PHYHIPL: variants seen among roughly 807,000 people sequenced by gnomAD.
PHYHIPL encodes phytanoyl-CoA 2-hydroxylase interacting protein like.
In PHYHIPL, 9 loss-of-function variants were observed where a neutral mutation model predicts 33.4. The ratio of observed to expected loss-of-function variants is 0.27; its 90% CI spans 0.16 to 0.47. PHYHIPL has a LOEUF of 0.47. PHYHIPL is among the 20% of genes least tolerant of loss of function. The pLI is 0.99. For synonymous variants in PHYHIPL, 153 were observed against 154.1 expected (o/e 0.99, Z 0.05); for missense variants, 365 against 460.7 (o/e 0.79, Z 1.90).
At chr10:59,209,428 G>A (rs1270251291) in intron 1 of PHYHIPL, among the ~76,000 whole-genome samples, 2 of 152,186 alleles carry the variant, frequency 1.3e-5, no homozygotes, top group African/African-American at 4.8e-5. Flanking sequence ...TCTGAAGGAA[G>A]CACTAAACAT....
intron 1 of PHYHIPL, among the ~76,000 whole-genome samples, chr10:59,205,437 T>C (rs1839258247): frequency 6.6e-6 from 1 of 152,222 alleles, no homozygotes; most frequent in African/African-American, 2.4e-5. Flanking sequence ...TTCCTAATTG[T>C]TCACATTATT....
At chr10:59,177,220 C>G (rs905995505) in intron 1 of PHYHIPL, 1 of 581,800 alleles carries the variant, frequency 1.7e-6, no homozygotes, top group Non-Finnish European at 2.9e-6. Flanking sequence ...CCGCCTGGCC[C>G]GGACGAGGGC....
chr10:59,244,195 G>T (rs1176451743), intron 4 of PHYHIPL, among the ~76,000 whole-genome samples: 5 of 152,132 alleles, frequency 3.3e-5, no homozygotes, highest in African/African-American at 1.2e-4. Context: ...ATTTGGGGGT[G>T]AGGTAAAGTG....
At chr10:59,226,646 C>T (rs1034561065) in intron 1 of PHYHIPL, among the ~76,000 whole-genome samples, 5 of 152,052 alleles carry the variant, frequency 3.3e-5, no homozygotes, top group African/African-American at 1.2e-4. Flanking sequence ...GAATGCAGTT[C>T]ATTTTTTAAT....
chr10:59,206,746 T>C, intron 1 of PHYHIPL: 1 of 1,215,632 alleles, frequency 8.2e-7, no homozygotes, highest in Non-Finnish European at 1.1e-6. Flanking sequence ...TTCTTTTTTA[T>C]TTTTTAGTTG....
intron 2 of PHYHIPL, among the ~76,000 whole-genome samples, chr10:59,234,712 C>A (rs1187101649): frequency 6.6e-6 from 1 of 151,264 alleles, no homozygotes; most frequent in South Asian, 2.1e-4. Flanking sequence ...AGATAATTTT[C>A]AAAAAAAGGT....
Position 59,245,694 on chromosome 10 carries a change from C to A in PHYHIPL, c.*103C>A. 1.6e-6 allele frequency: 2 copies of A among 1,267,532 alleles called. No homozygotes were observed. The highest frequency in any genetic ancestry group is 2.2e-6 in the Non-Finnish European group (2 of 925,714). The allele number at this position is 1,267,532 out of a possible 1,614,324, so 78.5% of individuals were successfully genotyped here. On this transcript the variant is annotated 3_prime_UTR_variant, in exon 5 of 5. Coordinates refer to ENST00000373880, the MANE Select transcript of PHYHIPL (RefSeq NM_032439.4). ...CAGATGTTTTCCACTGAAGCATGCA[C>A]ATGCCACTGTCACCAAAACAAACAA...
At chr10:59,244,571 A>AAAAAAAAAAAAT (rs1840570259) in intron 4 of PHYHIPL, among the ~76,000 whole-genome samples, 1 of 144,958 alleles carries the variant, frequency 6.9e-6, no homozygotes, top group African/African-American at 2.7e-5. Context: ...TCAAAAAAAA[A>AAAAAAAAAAAAT]AAAAAAAAAA....
At chr10:59,176,415 G>A (rs895216701), upstream of PHYHIPL, among the ~76,000 whole-genome samples, 1 of 151,984 alleles carries the variant, frequency 6.6e-6, no homozygotes, top group Non-Finnish European at 1.5e-5. Flanking sequence ...GCGCTCGGTC[G>A]CCCGACGCCT....
At chr10:59,204,067 T>A (rs916263586) in intron 1 of PHYHIPL, among the ~76,000 whole-genome samples, 9 of 152,196 alleles carry the variant, frequency 5.9e-5, no homozygotes, top group Admixed American at 5.2e-4. Flanking sequence ...CCATGGGAAG[T>A]CTTTATGTAG....
At position 59,176,873 on chromosome 10, in the gene PHYHIPL, ATCATGCCC is replaced by A. The variant is rs1303967462; in HGVS notation, c.24_31del (p.His8GlnfsTer8). 1 of 1,613,276 alleles carries A rather than the reference ATCATGCCC, an allele frequency of 6.2e-7. No individual in the cohort carries two copies. The highest frequency in any genetic ancestry group is 1.7e-5 in the Admixed American group (1 of 59,932). The stretch of plus-strand genomic sequence containing the variant: ...GGAAAAATGGAGGTGCCGCGCCTGG[ATCATGCCC>A]TCAACAGCCCCACCAGCCCCTGTGA... On this transcript the variant is annotated frameshift_variant, in exon 1 of 5. Transcript: ENST00000373880. LOFTEE classifies it high-confidence loss of function.
At position 59,246,345 on chromosome 10, in the gene PHYHIPL, T is replaced by G. The variant is rs557882619; in HGVS notation, c.*754T>G. On this transcript the variant is annotated 3_prime_UTR_variant, in exon 5 of 5. Coordinates refer to ENST00000373880, the MANE Select transcript of PHYHIPL (RefSeq NM_032439.4). Reference sequence around the variant, plus strand: ...AAATTTATGAAGGACATTATTCTGATTCATAAAAGTTATAAAATATTAGGT... The same window carrying G: ...AAATTTATGAAGGACATTATTCTGAGTCATAAAAGTTATAAAATATTAGGT... 3.9e-5 allele frequency: 9 copies of G among 229,446 alleles called. No homozygotes were observed. The South Asian group carries it at 1.6e-3, about 42-fold the overall frequency. The allele number at this position is 229,446 out of a possible 1,614,324, so 14.2% of individuals were successfully genotyped here.
chr10:59,174,707 C>T (rs1051130742), upstream of PHYHIPL, among the ~76,000 whole-genome samples: 2 of 152,094 alleles, frequency 1.3e-5, no homozygotes, highest in African/African-American at 4.8e-5. Flanking sequence ...CTATTTAAAG[C>T]CTTTTTAATA....
At chr10:59,179,074 T>C (rs1035893579) in intron 1 of PHYHIPL, among the ~76,000 whole-genome samples, 1 of 152,194 alleles carries the variant, frequency 6.6e-6, no homozygotes, top group Non-Finnish European at 1.5e-5. Flanking sequence ...TGTTAAATGC[T>C]TAACTTATTT....
rs71006238 is a variant in PHYHIPL, at chr10:59,230,212, C to CTTT, written c.107-4075_107-4073dup. Among the ~76,000 whole-genome samples the CTTT allele has an allele frequency of 3.4e-3, 424 of 123,338 alleles. 16 individuals carry two copies. Among genetic ancestry groups the CTTT allele is most frequent in the African/African-American group, 0.011 (360 of 32,322 alleles). 80.9% of individuals were successfully genotyped at this position (123,338 alleles called of 152,430 possible). Reference sequence around the variant, plus strand: ...ACATGAAATATTTTAAAATTGCTTTCTTTTTTTTTTTTTTTTTTTGAGACA... The same window carrying CTTT: ...ACATGAAATATTTTAAAATTGCTTTCTTTTTTTTTTTTTTTTTTTTTTGAGACA... On this transcript the variant is annotated intron_variant, in intron 1 of 4. Transcript: ENST00000373880.
intron 4 of PHYHIPL, among the ~76,000 whole-genome samples, chr10:59,244,605 G>A (rs372300825): frequency 7.8e-4 from 69 of 88,764 alleles, no homozygotes; most frequent in African/African-American, 2.3e-3. Flanking sequence ...AAAACACAAC[G>A]CTTTTGTGCC....
Position 59,245,212 on chromosome 10 carries a change from G to A in PHYHIPL, c.752G>A (p.Arg251Lys), listed in dbSNP as rs755938686. ...PPQDSPYGRY[R>K]FEIAAEKLFN... ...CAGGATTCACCTTATGGAAGATACA[G>A]GTTTGAGATTGCCGCAGAAAAACTT... The change falls in exon 5 of 5, where the codon AGG becomes AAG. Residue 251 changes from arginine (R) to lysine (K), a missense_variant. Arg to Lys is a conservative substitution (Grantham distance 26, BLOSUM62 2). Around this residue, in one of 4 missense-constraint regions of PHYHIPL, gnomAD observed 196 missense variants for 224.9 expected, o/e 0.87. Transcript: ENST00000373880. 1.2e-6 allele frequency: 2 copies of A among 1,614,158 alleles called. No individual in the cohort carries two copies. The highest frequency in any genetic ancestry group is 1.7e-6 in the Non-Finnish European group (2 of 1,180,026).
intron 1 of PHYHIPL, chr10:59,183,690 A>AACGTCAT (rs1838477995): frequency 1.0e-6 from 1 of 984,470 alleles, no homozygotes; most frequent in South Asian, 4.7e-5. Context: ...TTGAACCAAG[A>AACGTCAT]ACGTCATACT....
chr10:59,203,871 G>A (rs985300313), intron 1 of PHYHIPL, among the ~76,000 whole-genome samples: 3 of 152,128 alleles, frequency 2.0e-5, no homozygotes, highest in African/African-American at 7.2e-5. Context: ...ACATATGTAG[G>A]AAACCAGCAC....
Sources: gnomAD v4.1 joint callset for allele counts (sites outside exome capture counted in the v4.1 genomes callset) on GRCh38, gnomAD v4.1.1 for gene constraint, gnomAD v4.1.1 regional missense constraint, MANE v1.5 for transcripts, NCBI Gene and HGNC (gene_info 2026-07-23, HGNC 2026-07-21) for gene names.